The following DOCK4 variants were observed in gnomAD, a reference collection of about 807,000 sequenced individuals.
DOCK4 encodes dedicator of cytokinesis 4.
DOCK4 carries 97 observed loss-of-function variants against 268.1 expected under a neutral mutation model. The observed-to-expected ratio is 0.36, with a 90% CI of 0.31 to 0.43. The LOEUF (loss-of-function observed/expected upper bound fraction) is 0.43. DOCK4 is among the 20% of genes least tolerant of loss of function. DOCK4 has a pLI of 1.00. For synonymous variants in DOCK4, 954 were observed against 887.2 expected (o/e 1.08, Z -1.34); for missense variants, 2,145 against 2,455.7 (o/e 0.87, Z 2.67).
chr7:112,134,431 A>G (rs2116166621), intron 1 of DOCK4, among the ~76,000 whole-genome samples: 1 of 152,310 alleles, frequency 6.6e-6, no homozygotes, highest in South Asian at 2.1e-4. Context: ...AAAAGTGTAA[A>G]CTTAATGGCT....
At chr7:112,026,421 T>C (rs991529999) in intron 1 of DOCK4, among the ~76,000 whole-genome samples, 10 of 152,268 alleles carry the variant, frequency 6.6e-5, no homozygotes, top group African/African-American at 2.4e-4. Context: ...CCCTTGTCTG[T>C]GGAAAAATTG....
chr7:111,845,241 T>G (rs1804010730), intron 24 of DOCK4, among the ~76,000 whole-genome samples: 1 of 152,242 alleles, frequency 6.6e-6, no homozygotes, highest in African/African-American at 2.4e-5. Context: ...GAGTCCATCC[T>G]TGTTCTTGGT....
In DOCK4 at chr7:111,767,227, C is replaced by CTTTTTTTT. The variant is rs372483378; in HGVS notation, c.3829-117_3829-110dup. 2.9e-3 allele frequency: 1,331 copies of CTTTTTTTT among 465,504 alleles called. 39 individuals carry two copies. Among genetic ancestry groups the CTTTTTTTT allele is most frequent in the African/African-American group, 0.027 (1,039 of 38,946 alleles). The allele number at this position is 465,504 out of a possible 1,614,324, so 28.8% of individuals were successfully genotyped here. ...AGAGCACCAAGCCTTACTCCTTAAT[C>CTTTTTTTT]TTTTTTTTTTTTTTTTTTGAGATGG... On this transcript the variant is annotated intron_variant, in intron 37 of 52. Coordinates refer to ENST00000428084, the MANE Select transcript of DOCK4 (RefSeq NM_001363540.2).
chr7:111,961,659 G>C (rs903084151), intron 8 of DOCK4, among the ~76,000 whole-genome samples: 1 of 152,156 alleles, frequency 6.6e-6, no homozygotes, highest in Non-Finnish European at 1.5e-5. Context: ...CTGAATCAAG[G>C]CTCGTGCTTC....
At chr7:111,920,892 A>C (rs1435084831) in intron 12 of DOCK4, among the ~76,000 whole-genome samples, 2 of 152,124 alleles carry the variant, frequency 1.3e-5, no homozygotes, top group African/African-American at 4.8e-5. Flanking sequence ...AAGCTTAGGA[A>C]ATTTTTTATT....
intron 23 of DOCK4, among the ~76,000 whole-genome samples, chr7:111,849,395 T>C (rs191650901): frequency 6.6e-6 from 1 of 152,066 alleles, no homozygotes; most frequent in Non-Finnish European, 1.5e-5. Context: ...CCCCAGTAGC[T>C]GGGACTACAT....
chr7:112,036,807 C>T (rs562468448), intron 1 of DOCK4, among the ~76,000 whole-genome samples: 1 of 151,882 alleles, frequency 6.6e-6, no homozygotes, highest in Non-Finnish European at 1.5e-5. Flanking sequence ...ATTACAGGCG[C>T]CCACCACCAC....
intron 1 of DOCK4, among the ~76,000 whole-genome samples, chr7:112,074,092 A>G (rs1358342106): frequency 6.6e-6 from 1 of 152,230 alleles, no homozygotes; most frequent in Non-Finnish European, 1.5e-5. Context: ...CCTTTTGACT[A>G]CTGTGTAATA....
intron 7 of DOCK4, among the ~76,000 whole-genome samples, chr7:111,979,720 G>T (rs1194848861): frequency 6.6e-6 from 1 of 152,182 alleles, no homozygotes; most frequent in South Asian, 2.1e-4. Context: ...CTCATGAAAA[G>T]AATAGGCCTT....
rs756131002 is a variant in DOCK4, at chr7:111,732,204, C to T, written c.5481+22G>A. The T allele has an allele frequency of 6.2e-6, 10 of 1,612,978 alleles. No homozygotes were observed. The Admixed American group carries it at 6.7e-5, about 11-fold the overall frequency. ...AGAAAACTGGGCCAGTCTCTAGCCT[C>T]AGTCGAAAGAAGGGCCTTTACCTTC... On this transcript the variant is annotated intron_variant, in intron 52 of 52. Transcript: ENST00000428084.
At chr7:112,177,595 G>A (rs1349620050) in intron 1 of DOCK4, among the ~76,000 whole-genome samples, 1 of 152,194 alleles carries the variant, frequency 6.6e-6, no homozygotes, top group Non-Finnish European at 1.5e-5. Context: ...CAATCCGACA[G>A]AGAAACTGCC....
chr7:112,132,134 C>T (rs1304176532), intron 1 of DOCK4, among the ~76,000 whole-genome samples: 1 of 152,058 alleles, frequency 6.6e-6, no homozygotes, highest in African/African-American at 2.4e-5. Context: ...TGGACTGCCA[C>T]AAAGGTTACT....
In DOCK4 at chr7:111,892,079, C is replaced by T. The variant is rs537963228; in HGVS notation, c.1587+3533G>A. ...ATAAATATCTTAAATTTTATGTAGC[C>T]AAATTTACTTGATTTTTAAATTTGA... On this transcript the variant is annotated intron_variant, in intron 16 of 52. Coordinates refer to ENST00000428084, the MANE Select transcript of DOCK4 (RefSeq NM_001363540.2). 3.3e-5 allele frequency among the ~76,000 whole-genome samples: 5 copies of T among 152,204 alleles called. 1 individual carries two copies. The South Asian group carries it at 1.0e-3, about 32-fold the overall frequency.
rs754244250 is a variant in DOCK4, at chr7:111,755,581, C to T, written c.4350G>A (p.Thr1450=). 1.7e-5 allele frequency: 28 copies of T among 1,613,806 alleles called. No homozygotes were observed. Among genetic ancestry groups the T allele is most frequent in the South Asian group, 1.3e-4 (12 of 91,072 alleles). ...NEFKSLWVER[T]SLYLVQSLPG... ...GCAAACTCTGCACCAAGTATAATGA[C>T]GTTCTCTCCACCCAGAGACTCTACA... The change falls in exon 42 of 53, where the codon ACG becomes ACA. Residue 1450 remains threonine, a synonymous_variant. Transcript: ENST00000428084.
intron 52 of DOCK4, among the ~76,000 whole-genome samples, chr7:111,728,956 A>G (rs915754697): frequency 6.6e-5 from 10 of 152,140 alleles, no homozygotes; most frequent in African/African-American, 2.2e-4. Context: ...AGACGTCAGG[A>G]ATGCGACACA....
intron 16 of DOCK4, among the ~76,000 whole-genome samples, chr7:111,894,727 G>A (rs1388206016): frequency 6.6e-6 from 1 of 152,206 alleles, no homozygotes; most frequent in Non-Finnish European, 1.5e-5. Context: ...TCAAGAGGCC[G>A]GAAGTGGTGA....
chr7:112,126,963 G>A (rs949333670), intron 1 of DOCK4, among the ~76,000 whole-genome samples: 10 of 151,998 alleles, frequency 6.6e-5, no homozygotes, highest in Non-Finnish European at 1.5e-4. Context: ...CTGTTGGTGG[G>A]ACTGTAAACT....
rs1795716545 is a variant in DOCK4 at position 111,739,187 on chromosome 7, G to A, written c.5179C>T (p.Pro1727Ser). 1.2e-6 allele frequency: 2 copies of A among 1,613,900 alleles called. No individual in the cohort carries two copies. The highest frequency in any genetic ancestry group is 2.7e-5 in the African/African-American group (2 of 74,940). The stretch of plus-strand genomic sequence containing the variant: ...ATGGCACTGCATGGTCTCTCTCTTG[G>A]TGACAGGCAAGAGTTTTCTCGGGAA... ...KHSRENSCLS[P>S]RERPCSAIYP... Residue 1727 changes from proline (P) to serine (S), a missense_variant, in exon 49 of 53, where the codon CCA becomes TCA. Transcript: ENST00000428084.
chr7:111,826,493 C>A (rs1196515588), intron 26 of DOCK4, among the ~76,000 whole-genome samples: 1 of 151,968 alleles, frequency 6.6e-6, no homozygotes, highest in Non-Finnish European at 1.5e-5. Flanking sequence ...AAGAAAGACA[C>A]AAGACAGGAT....
Sources: allele counts gnomAD v4.1 joint callset (sites outside exome capture counted in the v4.1 genomes callset), GRCh38; gene constraint gnomAD v4.1.1; transcripts MANE v1.5; gene names NCBI Gene and HGNC (gene_info 2026-07-23, HGNC 2026-07-21).